Variants in FAM168A observed in about 807,000 individuals in gnomAD.
The protein encoded by FAM168A is protein FAM168A.
Under a neutral mutation model 28.5 loss-of-function variants are expected in FAM168A, and 3 were observed. The ratio of observed to expected loss-of-function variants is 0.11; its 90% CI spans 0.05 to 0.27. The LOEUF (loss-of-function observed/expected upper bound fraction) is 0.27. Among genes scored for constraint, FAM168A ranks in the 10% least tolerant of loss-of-function variants. The pLI, the probability that FAM168A is intolerant of heterozygous loss-of-function variation, is 1.00. For missense variants in FAM168A, 222 were observed against 311.5 expected (o/e 0.71, Z 2.16); for synonymous variants, 122 against 124.2 (o/e 0.98, Z 0.12).
At chr11:73,518,263 ATTTT>A (rs925766779) in intron 1 of FAM168A, among the ~76,000 whole-genome samples, 1 of 152,088 alleles carries the variant, frequency 6.6e-6, no homozygotes, top group Non-Finnish European at 1.5e-5. Context: ...AACAGATTGT[ATTTT>A]CCAAAGATGG....
chr11:73,484,459 T>C (rs982783772), intron 1 of FAM168A, among the ~76,000 whole-genome samples: 20 of 148,634 alleles, frequency 1.3e-4, no homozygotes, highest in East Asian at 9.8e-4. Flanking sequence ...TATTTGATGA[T>C]TGTATTATTC....
chr11:73,521,081 T>C (rs922252721), intron 1 of FAM168A, among the ~76,000 whole-genome samples: 3 of 152,156 alleles, frequency 2.0e-5, no homozygotes, highest in African/African-American at 4.8e-5. Context: ...TGTGATAAAA[T>C]AGTTTCAGGA....
At chr11:73,592,811 T>A (rs1470037989) in intron 1 of FAM168A, among the ~76,000 whole-genome samples, 3 of 151,956 alleles carry the variant, frequency 2.0e-5, no homozygotes, top group African/African-American at 7.3e-5. Flanking sequence ...TGTAAGCACT[T>A]TGGGAGGCCG....
chr11:73,523,549 T>C (rs2134654302), intron 1 of FAM168A, among the ~76,000 whole-genome samples: 1 of 152,248 alleles, frequency 6.6e-6, no homozygotes, highest in African/African-American at 2.4e-5. Flanking sequence ...CAATCCCCTA[T>C]CTTACCTTTG....
chr11:73,545,027 A>ATATAATATAAATATATAATATATT (rs57233496), intron 1 of FAM168A, among the ~76,000 whole-genome samples: 1 of 77,468 alleles, frequency 1.3e-5, no homozygotes, highest in African/African-American at 1.2e-4. Context: ...TAGTATATAT[A>ATATAATATAAATATATAATATATT]ATATATATAT....
intron 1 of FAM168A, among the ~76,000 whole-genome samples, chr11:73,504,318 A>C (rs1399593217): frequency 2.6e-5 from 4 of 152,110 alleles, no homozygotes; most frequent in Admixed American, 2.6e-4. Flanking sequence ...GAAAAAAACA[A>C]GCAACTCCAT....
chr11:73,583,131 C>T (rs527317373), intron 1 of FAM168A, among the ~76,000 whole-genome samples: 130 of 152,204 alleles, frequency 8.5e-4, no homozygotes, highest in African/African-American at 2.9e-3. Flanking sequence ...AGTGAAACCC[C>T]GTCTTTACTA....
chr11:73,477,501 A>G (rs1867904719), intron 1 of FAM168A, among the ~76,000 whole-genome samples: 1 of 152,190 alleles, frequency 6.6e-6, no homozygotes, highest in Non-Finnish European at 1.5e-5. Flanking sequence ...AAATACAATC[A>G]ACTTCAAGTT....
intron 2 of FAM168A, among the ~76,000 whole-genome samples, chr11:73,434,110 C>A (rs1338259803): frequency 6.6e-6 from 1 of 152,162 alleles, no homozygotes; most frequent in African/African-American, 2.4e-5. Context: ...TCCCAAAGTG[C>A]TGGGATTACA....
intron 1 of FAM168A, among the ~76,000 whole-genome samples, chr11:73,531,697 A>G (rs1943515329): frequency 6.6e-6 from 1 of 151,822 alleles, no homozygotes; most frequent in African/African-American, 2.4e-5. Flanking sequence ...AAGCTCTTTC[A>G]TATTTCTGTG....
At chr11:73,419,846 A>G (rs1379253606) in intron 4 of FAM168A, 28 bp downstream of exon 4, 1 of 1,612,604 alleles carries the variant, frequency 6.2e-7, no homozygotes, top group South Asian at 1.1e-5. Flanking sequence ...ACCAAGGGGA[A>G]CAAGGAAATG....
At chr11:73,559,657 T>C (rs992406684) in intron 1 of FAM168A, among the ~76,000 whole-genome samples, 14 of 152,220 alleles carry the variant, frequency 9.2e-5, no homozygotes, top group African/African-American at 3.4e-4. Flanking sequence ...AATGACTGTT[T>C]AGTGGATACA....
intron 1 of FAM168A, among the ~76,000 whole-genome samples, chr11:73,582,049 T>C (rs1157875896): frequency 6.6e-6 from 1 of 152,042 alleles, no homozygotes. Context: ...CTCTATTGCA[T>C]CTGGAGCTCC....
At chr11:73,557,775 A>G (rs1485392453) in intron 1 of FAM168A, among the ~76,000 whole-genome samples, 1 of 152,290 alleles carries the variant, frequency 6.6e-6, no homozygotes, top group South Asian at 2.1e-4. Context: ...TTCACTATAA[A>G]ACTATGGTAA....
intron 2 of FAM168A, among the ~76,000 whole-genome samples, chr11:73,459,599 C>A (rs1590792336): frequency 6.6e-6 from 1 of 152,118 alleles, no homozygotes; most frequent in African/African-American, 2.4e-5. Context: ...AAAGCAGCTG[C>A]CACTCAAAAT....
At chr11:73,427,306 T>G (rs1437829335) in intron 3 of FAM168A, among the ~76,000 whole-genome samples, 1 of 152,142 alleles carries the variant, frequency 6.6e-6, no homozygotes, top group African/African-American at 2.4e-5. Flanking sequence ...ATATGTTGAC[T>G]TTTAAAAACA....
intron 1 of FAM168A, among the ~76,000 whole-genome samples, chr11:73,485,286 G>A (rs1386877082): frequency 6.6e-6 from 1 of 152,174 alleles, no homozygotes; most frequent in Non-Finnish European, 1.5e-5. Context: ...CTAGATCTGA[G>A]CTAATCACTG....
At chr11:73,500,665 C>T (rs1314497098) in intron 1 of FAM168A, among the ~76,000 whole-genome samples, 2 of 152,106 alleles carry the variant, frequency 1.3e-5, no homozygotes, top group African/African-American at 4.8e-5. Context: ...ACCAGGCCTG[C>T]CCTGCAAGAG....
At chr11:73,448,268 G>C (rs912233385) in intron 2 of FAM168A, among the ~76,000 whole-genome samples, 2 of 151,852 alleles carry the variant, frequency 1.3e-5, no homozygotes, top group African/African-American at 2.4e-5. Flanking sequence ...GGATGGTCTT[G>C]ATTTCTTGAC....
Sources: allele counts gnomAD v4.1 joint callset (sites outside exome capture counted in the v4.1 genomes callset), GRCh38; gene constraint gnomAD v4.1.1; transcripts MANE v1.5; gene names NCBI Gene and HGNC (gene_info 2026-07-23, HGNC 2026-07-21).